CCDC88C: variants seen among roughly 807,000 people sequenced by gnomAD.
CCDC88C encodes the protein coiled-coil and HOOK domain protein 88C, also known as protein Daple.
CCDC88C carries 131 observed loss-of-function variants against 198.8 expected under a neutral mutation model. The ratio of observed to expected loss-of-function variants is 0.66; its 90% CI spans 0.57 to 0.76. The LOEUF (loss-of-function observed/expected upper bound fraction) is 0.76, where lower values mean the gene tolerates loss of function less well. Ranked by LOEUF, CCDC88C falls within the 30% of genes least tolerant of loss-of-function variation. The pLI, the probability that CCDC88C is intolerant of heterozygous loss-of-function variation, is 0.00. For missense variants in CCDC88C, 2,553 were observed against 2,631.6 expected, an observed-to-expected ratio of 0.97 and a Z score of 0.65; for synonymous variants, 1,166 against 1,114.7, an observed-to-expected ratio of 1.05 and a Z score of -0.92.
intron 2 of CCDC88C, among the ~76,000 whole-genome samples, chr14:91,411,595 T>C (rs1458830441): frequency 6.6e-6 from 1 of 152,130 alleles, no homozygotes; most frequent in Admixed American, 6.5e-5. Context: ...GGTCGGAACT[T>C]GGAGAGTTCC....
intron 5 of CCDC88C, 116 bp from the exon 6 acceptor site, chr14:91,342,579 C>T: frequency 1.4e-6 from 1 of 721,098 alleles, no homozygotes. Context: ...GCTTCTCCTT[C>T]ATAACTAAGA....
chr14:91,362,457 G>A lies in CCDC88C; in HGVS notation c.271-2746C>T, dbSNP rs185025891. On this transcript the variant is annotated intron_variant, in intron 3 of 29. Transcript: ENST00000389857. ...GTTGTTTTGTTTTTTGAAATAATCTGAAGGTCACTGCAAAAAATGCAAATT... is the reference window on the plus strand; with the variant it reads ...GTTGTTTTGTTTTTTGAAATAATCTAAAGGTCACTGCAAAAAATGCAAATT... 3.3e-5 allele frequency among the ~76,000 whole-genome samples: 5 copies of A among 152,208 alleles called. No homozygotes were observed. In the East Asian group the frequency reaches 9.6e-4, roughly 29 times the overall value.
intron 10 of CCDC88C, among the ~76,000 whole-genome samples, chr14:91,328,318 C>T (rs1361907480): frequency 6.6e-6 from 1 of 152,198 alleles, no homozygotes; most frequent in African/African-American, 2.4e-5. Flanking sequence ...CACACTGCAC[C>T]ACCACCTCTG....
chr14:91,396,040 T>C (rs1213278343), intron 3 of CCDC88C, among the ~76,000 whole-genome samples: 1 of 152,116 alleles, frequency 6.6e-6, no homozygotes, highest in Non-Finnish European at 1.5e-5. Flanking sequence ...CTCTCATTAC[T>C]AGAAAAATAA....
chr14:91,357,840 T>C (rs1449623898), intron 4 of CCDC88C, among the ~76,000 whole-genome samples: 1 of 152,008 alleles, frequency 6.6e-6, no homozygotes, highest in Non-Finnish European at 1.5e-5. Context: ...GGGGGAGCCA[T>C]GAAATAAAGC....
rs1220903846 is a variant in CCDC88C at position 91,284,130 on chromosome 14, CAT to C, written c.4442-615_4442-614del. Among the ~76,000 whole-genome samples, 2 of 152,146 alleles carry C rather than the reference CAT, an allele frequency of 1.3e-5. No homozygotes were observed. Among genetic ancestry groups the C allele is most frequent in the Non-Finnish European group, 2.9e-5 (2 of 68,034 alleles). On this transcript the variant is annotated intron_variant, in intron 25 of 29. Coordinates refer to ENST00000389857, the MANE Select transcript of CCDC88C (RefSeq NM_001080414.4). The surrounding 1 kb of genome is among the most constrained non-coding windows in gnomAD (Gnocchi z 4.1). ...AACTCTGGTCAAAATTAAATAAAAA[CAT>C]ATAAAATCATAAAAGAAAAACAGCC... is the stretch of plus-strand genomic sequence containing the variant.
At chr14:91,283,689 G>A in intron 25 of CCDC88C, 172 bp from the exon 26 acceptor site, 1 of 633,414 alleles carries the variant, frequency 1.6e-6, no homozygotes, top group African/African-American at 1.8e-5. Context: ...GGGCAGGTGG[G>A]GGCAAGAGGG....
chr14:91,389,185 G>C (rs944394580), intron 3 of CCDC88C, among the ~76,000 whole-genome samples: 4 of 152,308 alleles, frequency 2.6e-5, no homozygotes, highest in Non-Finnish European at 4.4e-5. Context: ...GTCAAGTGGA[G>C]TGGGGGTAGT....
At chr14:91,409,464 T>C (rs1445180737) in intron 2 of CCDC88C, among the ~76,000 whole-genome samples, 1 of 150,964 alleles carries the variant, frequency 6.6e-6, no homozygotes, top group African/African-American at 2.4e-5. Flanking sequence ...TGTGAGCCAC[T>C]GTGCCCAGCC....
intron 3 of CCDC88C, among the ~76,000 whole-genome samples, chr14:91,399,655 C>T (rs977201804): frequency 2.0e-5 from 3 of 151,868 alleles, no homozygotes; most frequent in Non-Finnish European, 2.9e-5. Flanking sequence ...CTGGCCAACA[C>T]GGTGAAACCC....
intron 10 of CCDC88C, among the ~76,000 whole-genome samples, chr14:91,330,123 C>T (rs920023635): frequency 8.5e-5 from 13 of 152,232 alleles, no homozygotes; most frequent in Non-Finnish European, 1.9e-4. Context: ...CAGTAAGGCA[C>T]AGACCCTGTG....
chr14:91,405,856 T>C (rs974828620), intron 3 of CCDC88C, among the ~76,000 whole-genome samples: 4 of 152,218 alleles, frequency 2.6e-5, no homozygotes, highest in Non-Finnish European at 5.9e-5. Context: ...TCCTGTCAGC[T>C]TCCTTCAAGA....
intron 10 of CCDC88C, among the ~76,000 whole-genome samples, chr14:91,336,434 G>A (rs1893044936): frequency 6.6e-6 from 1 of 152,212 alleles, no homozygotes; most frequent in African/African-American, 2.4e-5. Flanking sequence ...ACCCCACTCT[G>A]GGGCTGCATG....
intron 3 of CCDC88C, among the ~76,000 whole-genome samples, chr14:91,364,129 G>A (rs775458760): frequency 5.3e-5 from 8 of 152,258 alleles, no homozygotes; most frequent in Admixed American, 1.3e-4. Flanking sequence ...GAGGGACAAG[G>A]GACACACACC....
chr14:91,299,959 G>C lies in CCDC88C; in HGVS notation c.3747C>G (p.Gly1249=). 2.5e-6 allele frequency: 4 copies of C among 1,591,906 alleles called. No individual in the cohort carries two copies. Among genetic ancestry groups the C allele is most frequent in the Non-Finnish European group, 3.4e-6 (4 of 1,171,106 alleles). The stretch of plus-strand genomic sequence containing the variant: ...GCTCGCCCCGCAGCCTCTGGTTCTC[G>C]CCCATGGCGAGGGCGTTTGTCCTCT... ...QEQRTNALAM[G]ENQRLRGELD... is the part of the protein sequence containing the mutation. The change falls in exon 21 of 30, where the codon GGC becomes GGG. Residue 1249 remains glycine (G), a synonymous_variant. Transcript: ENST00000389857.
At chr14:91,323,233 G>A (rs1267337408) in intron 12 of CCDC88C, among the ~76,000 whole-genome samples, 5 of 152,164 alleles carry the variant, frequency 3.3e-5, no homozygotes, top group South Asian at 2.1e-4. Context: ...TGCAAATCTC[G>A]TCAGCACCCC....
At position 91,416,731 on chromosome 14, in the gene CCDC88C, A is replaced by G. The variant is rs767322157; in HGVS notation, c.161+7T>C. ...TCTTTCCTTCCTCCGAGAAGAAGGT[A>G]ACTTACATTTGCAGCATAATTTGGT... On this transcript the variant is annotated splice_region_variant and intron_variant, in intron 2 of 29. Coordinates refer to ENST00000389857, the MANE Select transcript of CCDC88C (RefSeq NM_001080414.4). 84 of 1,582,726 alleles carry G rather than the reference A, an allele frequency of 5.3e-5. No individual in the cohort carries two copies. Among genetic ancestry groups the G allele is most frequent in the Non-Finnish European group, 7.2e-5 (83 of 1,151,800 alleles).
intron 2 of CCDC88C, among the ~76,000 whole-genome samples, chr14:91,410,619 T>G (rs1039971314): frequency 2.6e-5 from 4 of 152,218 alleles, no homozygotes; most frequent in Non-Finnish European, 5.9e-5. Flanking sequence ...CATTCAGAAT[T>G]TAAACTGCAA....
intron 17 of CCDC88C, among the ~76,000 whole-genome samples, chr14:91,308,098 A>G (rs1891638788): frequency 1.3e-5 from 2 of 152,194 alleles, no homozygotes; most frequent in Non-Finnish European, 2.9e-5. Flanking sequence ...GTGTTCCCGT[A>G]TCTTGCCTGG....
Sources: allele counts gnomAD v4.1 joint callset (sites outside exome capture counted in the v4.1 genomes callset), GRCh38; gene constraint gnomAD v4.1.1; non-coding constraint Gnocchi (gnomAD v3.1); transcripts MANE v1.5; gene names NCBI Gene and HGNC (gene_info 2026-07-23, HGNC 2026-07-21).